Variants in TTC17 observed in about 807,000 individuals in gnomAD.
The protein encoded by TTC17 is tetratricopeptide repeat protein 17.
In TTC17, 58 loss-of-function variants were observed where a neutral mutation model predicts 143.8. That is an observed-to-expected ratio of 0.40 (90% CI 0.33 to 0.50). The LOEUF (loss-of-function observed/expected upper bound fraction) is 0.50. TTC17 is among the 20% of genes least tolerant of loss of function. The probability of loss-of-function intolerance (pLI) is 0.49; values close to 1 mark genes in which losing one functional copy is unlikely to be tolerated. For missense variants in TTC17, 1,273 were observed against 1,392.5 expected (o/e 0.91, Z 1.37); for synonymous variants, 501 against 497.8 (o/e 1.01, Z -0.09).
Position 43,394,763 on chromosome 11 carries a change from A to G in TTC17, c.664-1946A>G, listed in dbSNP as rs140214409. Among the ~76,000 whole-genome samples the G allele has an allele frequency of 2.0e-5, 3 of 152,228 alleles. No homozygotes were observed. The East Asian group carries it at 5.8e-4, about 29-fold the overall frequency. The stretch of plus-strand genomic sequence containing the variant: ...AATAATGAATATCTGAAGCCATGGA[A>G]CTGGATGAAGTCATCTGGGGAAGAG... On this transcript the variant is annotated intron_variant, in intron 5 of 23. Transcript: ENST00000039989.
chr11:43,437,468 G>A (rs1947317993), intron 16 of TTC17, among the ~76,000 whole-genome samples: 1 of 152,124 alleles, frequency 6.6e-6, no homozygotes, highest in South Asian at 2.1e-4. Context: ...AATTTTAAAG[G>A]CGGAAACAAC....
rs368949148 is a variant in TTC17 at position 43,475,288 on chromosome 11, T to C, written c.3031-14951T>C. Among the ~76,000 whole-genome samples, 40 of 152,006 alleles carry C rather than the reference T, an allele frequency of 2.6e-4. 1 individual carries two copies. The East Asian group carries it at 5.6e-3, about 21-fold the overall frequency. On this transcript the variant is annotated intron_variant, in intron 21 of 23. Transcript: ENST00000039989. ...AAGAGAGATGATTTAGGGTATCTGG[T>C]GGAAGAAATTTCTAAGCAGCAAAGC...
At chr11:43,442,448 CT>C (rs1392460980) in intron 16 of TTC17, among the ~76,000 whole-genome samples, 11 of 152,316 alleles carry the variant, frequency 7.2e-5, no homozygotes, top group Non-Finnish European at 1.0e-4. Flanking sequence ...ACCCTATCTA[CT>C]TCCTAAAGGG....
At chr11:43,474,188 C>A (rs568523910) in intron 21 of TTC17, among the ~76,000 whole-genome samples, 2 of 152,068 alleles carry the variant, frequency 1.3e-5, no homozygotes, top group East Asian at 3.9e-4. Flanking sequence ...GGCTTCCACA[C>A]AGTGGAGGCT....
At chr11:43,444,963 T>C (rs1189706919) in intron 18 of TTC17, among the ~76,000 whole-genome samples, 1 of 152,160 alleles carries the variant, frequency 6.6e-6, no homozygotes, top group Non-Finnish European at 1.5e-5. Flanking sequence ...TTCTAGTAAT[T>C]TACCCTAAGT....
At chr11:43,453,639 G>A (rs1341846423) in intron 21 of TTC17, among the ~76,000 whole-genome samples, 6 of 152,130 alleles carry the variant, frequency 3.9e-5, no homozygotes, top group Non-Finnish European at 7.3e-5. Flanking sequence ...GACCAGAGCA[G>A]CATTGGTATA....
intron 21 of TTC17, among the ~76,000 whole-genome samples, chr11:43,470,529 A>G (rs931187317): frequency 6.6e-6 from 1 of 152,222 alleles, no homozygotes; most frequent in African/African-American, 2.4e-5. Context: ...TTTATTTACA[A>G]TCATCTCAGT....
At chr11:43,417,519 T>G (rs948110261) in intron 16 of TTC17, among the ~76,000 whole-genome samples, 10 of 152,124 alleles carry the variant, frequency 6.6e-5, no homozygotes, top group African/African-American at 2.4e-4. Context: ...ATTCATGAGA[T>G]TGCTGGCTGG....
At position 43,405,901 on chromosome 11, in the gene TTC17, G is replaced by C; in HGVS notation, c.1711G>C (p.Glu571Gln). 6.2e-7 allele frequency: 1 copy of C among 1,613,990 alleles called. No individual in the cohort carries two copies. The highest frequency in any genetic ancestry group is 1.1e-5 in the South Asian group (1 of 91,076). ...HTLSYLVKEL[E>Q]VRMDLKAKMP... ...TCTGTCCTACTTAGTCAAAGAATTA[G>C]AGGTTCGCATGGATCTGAAAGCCAA... Residue 571 changes from glutamate to glutamine, a missense_variant, in exon 13 of 24, where the codon GAG (glutamate) becomes CAG (glutamine). Coordinates refer to ENST00000039989, the MANE Select transcript of TTC17 (RefSeq NM_018259.6).
intron 5 of TTC17, among the ~76,000 whole-genome samples, chr11:43,395,930 A>G (rs955559926): frequency 6.6e-6 from 1 of 152,156 alleles, no homozygotes; most frequent in Non-Finnish European, 1.5e-5. Context: ...TACATTTTTA[A>G]TAGTAGAATT....
intron 21 of TTC17, among the ~76,000 whole-genome samples, chr11:43,462,918 A>ATTTTTTTTTTTTTTTTTTTTTT (rs1369564202): frequency 1.0e-5 from 1 of 95,314 alleles, no homozygotes; most frequent in African/African-American, 4.8e-5. Flanking sequence ...CAGTGACAAA[A>ATTTTTTTTTTTTTTTTTTTTTT]TTCTTTTTTT....
chr11:43,488,592 C>T (rs552686647), intron 21 of TTC17, among the ~76,000 whole-genome samples: 12 of 151,222 alleles, frequency 7.9e-5, no homozygotes, highest in Admixed American at 6.6e-4. Flanking sequence ...TAAGTTGGAG[C>T]CATATCTTTT....
chr11:43,358,929 G>A lies in TTC17; in HGVS notation c.-26G>A. The A allele has an allele frequency of 1.3e-6, 2 of 1,552,882 alleles. No individual in the cohort carries two copies. Among genetic ancestry groups the A allele is most frequent in the Non-Finnish European group, 1.7e-6 (2 of 1,150,650 alleles). On this transcript the variant is annotated 5_prime_UTR_variant, in exon 1 of 24. In the 5' UTR this introduces an upstream ATG that the reference lacks. Coordinates refer to ENST00000039989, the MANE Select transcript of TTC17 (RefSeq NM_018259.6). ...CCGGAGACTAGCTTCCGCTTCCGGT[G>A]TGAGCGGCCCGGCCGGGGGGGCAAG...
chr11:43,478,936 C>T (rs978993973), intron 21 of TTC17, among the ~76,000 whole-genome samples: 2 of 152,148 alleles, frequency 1.3e-5, no homozygotes, highest in Admixed American at 6.5e-5. Flanking sequence ...GCCAGGAGTG[C>T]AGCTTTTAAA....
At chr11:43,464,899 T>C (rs976867550) in intron 21 of TTC17, among the ~76,000 whole-genome samples, 2 of 152,186 alleles carry the variant, frequency 1.3e-5, no homozygotes, top group African/African-American at 2.4e-5. Flanking sequence ...CCTAGTACCC[T>C]TCACAATACA....
intron 2 of TTC17, among the ~76,000 whole-genome samples, chr11:43,388,121 TTTA>T (rs1190791343): frequency 6.6e-6 from 1 of 152,196 alleles, no homozygotes; most frequent in Non-Finnish European, 1.5e-5. Context: ...CAAGGAGACA[TTTA>T]TAAGAATATA....
intron 21 of TTC17, among the ~76,000 whole-genome samples, chr11:43,454,700 A>C (rs1338274148): frequency 6.6e-6 from 1 of 152,094 alleles, no homozygotes; most frequent in Non-Finnish European, 1.5e-5. Flanking sequence ...ACAAGGAAAA[A>C]CTTAGATCAA....
intron 16 of TTC17, among the ~76,000 whole-genome samples, chr11:43,417,260 T>G (rs1367106612): frequency 6.6e-6 from 1 of 152,138 alleles, no homozygotes; most frequent in Admixed American, 6.5e-5. Flanking sequence ...TCTATTCCAG[T>G]TATCTCTGAG....
intron 16 of TTC17, among the ~76,000 whole-genome samples, chr11:43,422,797 G>A (rs573579892): frequency 1.3e-5 from 2 of 152,294 alleles, no homozygotes; most frequent in South Asian, 2.1e-4. Flanking sequence ...TTGAAAGGAG[G>A]TGAGGAAGTG....
Sources: allele counts gnomAD v4.1 joint callset (sites outside exome capture counted in the v4.1 genomes callset), GRCh38; gene constraint gnomAD v4.1.1; transcripts MANE v1.5; gene names NCBI Gene and HGNC (gene_info 2026-07-23, HGNC 2026-07-21).